The following MTX2 variants were observed in gnomAD, a reference collection of about 807,000 sequenced individuals.
MTX2 encodes metaxin-2.
A neutral mutation model predicts 42.3 loss-of-function variants in MTX2; 35 were observed. The observed-to-expected ratio is 0.83, with a 90% CI of 0.63 to 1.10. The LOEUF (loss-of-function observed/expected upper bound fraction) is 1.10, where lower values mean the gene tolerates loss of function less well. Ranked by LOEUF, MTX2 falls within the 50% of genes least tolerant of loss-of-function variation. MTX2 has a pLI of 0.00. For synonymous variants in MTX2, 119 were observed against 100.9 expected, an observed-to-expected ratio of 1.18 and a Z score of -1.08; for missense variants, 307 against 304.1, an observed-to-expected ratio of 1.01 and a Z score of -0.07.
chr2:176,316,713 T>A (rs1280214205), intron 3 of MTX2, among the ~76,000 whole-genome samples: 2 of 152,176 alleles, frequency 1.3e-5, no homozygotes, highest in Admixed American at 6.6e-5. Flanking sequence ...AACCTTATTC[T>A]TTTTTGAAGG....
At chr2:176,271,928 C>T (rs1692821972) in intron 1 of MTX2, among the ~76,000 whole-genome samples, 1 of 152,140 alleles carries the variant, frequency 6.6e-6, no homozygotes, top group South Asian at 2.1e-4. Flanking sequence ...TTGAAATTGT[C>T]TAAGAGGTAT....
At chr2:176,303,811 T>C (rs1440277821) in intron 3 of MTX2, among the ~76,000 whole-genome samples, 1 of 152,082 alleles carries the variant, frequency 6.6e-6, no homozygotes, top group Non-Finnish European at 1.5e-5. Context: ...AGTGAAATAA[T>C]GTAAAATGTT....
chr2:176,304,701 T>A (rs1209421349), intron 3 of MTX2, among the ~76,000 whole-genome samples: 1 of 152,076 alleles, frequency 6.6e-6, no homozygotes, highest in Non-Finnish European at 1.5e-5. Context: ...GAATTAAAAT[T>A]CACAATCATT....
intron 9 of MTX2, among the ~76,000 whole-genome samples, chr2:176,333,806 C>T (rs1162669540): frequency 6.6e-6 from 1 of 151,552 alleles, no homozygotes; most frequent in Non-Finnish European, 1.5e-5. Context: ...TTACAGTTGC[C>T]TACAGTATTC....
chr2:176,289,807 T>A (rs547258558), intron 1 of MTX2, among the ~76,000 whole-genome samples: 1 of 152,036 alleles, frequency 6.6e-6, no homozygotes, highest in Non-Finnish European at 1.5e-5. Flanking sequence ...AATGAAGATA[T>A]TAGCTTAAAT....
chr2:176,302,210 T>C (rs778766824), intron 3 of MTX2, among the ~76,000 whole-genome samples: 1 of 151,660 alleles, frequency 6.6e-6, no homozygotes, highest in Non-Finnish European at 1.5e-5. Flanking sequence ...CTGATGATCA[T>C]TATTAGAATA....
chr2:176,298,549 A>G (rs1473335768), intron 3 of MTX2, among the ~76,000 whole-genome samples: 4 of 152,108 alleles, frequency 2.6e-5, no homozygotes, highest in African/African-American at 9.7e-5. Flanking sequence ...TTAAAAAACA[A>G]TGTTTATGAT....
intron 1 of MTX2, among the ~76,000 whole-genome samples, chr2:176,282,380 T>C (rs1009069098): frequency 6.6e-6 from 1 of 152,122 alleles, no homozygotes; most frequent in Admixed American, 6.5e-5. Context: ...GCATCTAGTT[T>C]AGTAAGCCTT....
chr2:176,338,012 C>CT lies in MTX2; in HGVS notation c.*352dup, dbSNP rs1473152522. On this transcript the variant is annotated 3_prime_UTR_variant, in exon 10 of 10. Transcript: ENST00000249442. Reference sequence around the variant, plus strand: ...TTTACACATGTGGAATAAACAGTGTCTTTTCTAAGGCAAGTAATTTGTGTT... The same window carrying CT: ...TTTACACATGTGGAATAAACAGTGTCTTTTTCTAAGGCAAGTAATTTGTGTT... 6.3e-6 allele frequency: 1 copy of CT among 158,650 alleles called. No homozygotes were observed. Among genetic ancestry groups the CT allele is most frequent in the Non-Finnish European group, 1.4e-5 (1 of 72,678 alleles). 9.8% of individuals were successfully genotyped at this position (158,650 alleles called of 1,614,324 possible).
Position 176,311,492 on chromosome 2 carries a change from C to T in MTX2, c.136-11900C>T, listed in dbSNP as rs1227535064. ...AAGTTGTCTGCTGTCTTTTATTCAG[C>T]TATGCCCTGCCCATGGAGGTGAAGC... On this transcript the variant is annotated intron_variant, in intron 3 of 9. Coordinates refer to ENST00000249442, the MANE Select transcript of MTX2 (RefSeq NM_006554.5). 3.3e-5 allele frequency among the ~76,000 whole-genome samples: 5 copies of T among 152,342 alleles called. No homozygotes were observed. In the South Asian group the frequency reaches 8.3e-4, roughly 25 times the overall value.
At chr2:176,284,202 C>G (rs1693142851) in intron 1 of MTX2, among the ~76,000 whole-genome samples, 1 of 151,842 alleles carries the variant, frequency 6.6e-6, no homozygotes, top group Admixed American at 6.6e-5. Context: ...GCTTCAGCCT[C>G]CCAAGTAGCT....
chr2:176,312,298 G>A (rs184088379), intron 3 of MTX2, among the ~76,000 whole-genome samples: 1 of 152,192 alleles, frequency 6.6e-6, no homozygotes, highest in Non-Finnish European at 1.5e-5. Context: ...TGTTCATTAA[G>A]CAAATGTTTA....
At chr2:176,284,158 G>A (rs1384117622) in intron 1 of MTX2, among the ~76,000 whole-genome samples, 2 of 150,284 alleles carry the variant, frequency 1.3e-5, no homozygotes, top group Non-Finnish European at 3.0e-5. Context: ...TTGCCCAGGC[G>A]TGCCTCAAAC....
chr2:176,279,895 A>C (rs1468319479), intron 1 of MTX2, among the ~76,000 whole-genome samples: 2 of 152,346 alleles, frequency 1.3e-5, no homozygotes, highest in East Asian at 3.9e-4. Flanking sequence ...GTGAGAAATT[A>C]CAGAGTGCAG....
chr2:176,312,938 T>G (rs573188697), intron 3 of MTX2, among the ~76,000 whole-genome samples: 5 of 151,684 alleles, frequency 3.3e-5, no homozygotes, highest in African/African-American at 1.2e-4. Context: ...AACATCTTTC[T>G]AGAAGTTTTT....
intron 4 of MTX2, among the ~76,000 whole-genome samples, chr2:176,324,459 G>A (rs1323576843): frequency 6.6e-6 from 1 of 151,528 alleles, no homozygotes. Flanking sequence ...ACATATTTTA[G>A]ATTCTTGGAG....
chr2:176,290,157 C>T (rs563259403), intron 1 of MTX2, among the ~76,000 whole-genome samples: 79 of 152,096 alleles, frequency 5.2e-4, no homozygotes, highest in African/African-American at 1.8e-3. Context: ...GGGTATATGG[C>T]AGTGAAGGAG....
chr2:176,328,816 T>A lies in MTX2; in HGVS notation c.379-58T>A, dbSNP rs556284439. 12 of 1,540,314 alleles carry A rather than the reference T, an allele frequency of 7.8e-6. No individual in the cohort carries two copies. In the East Asian group the frequency reaches 2.0e-4, roughly 26 times the overall value. On this transcript the variant is annotated intron_variant, in intron 6 of 9. Coordinates refer to ENST00000249442, the MANE Select transcript of MTX2 (RefSeq NM_006554.5). Reference sequence around the variant, plus strand: ...AAATTGCCTTGGCAAAAAATAACTTTCTTTATCCTTTTCCTCTTTGGTATT... The same window carrying A: ...AAATTGCCTTGGCAAAAAATAACTTACTTTATCCTTTTCCTCTTTGGTATT...
At chr2:176,331,987 T>A (rs1412246010) in intron 9 of MTX2, among the ~76,000 whole-genome samples, 1 of 151,240 alleles carries the variant, frequency 6.6e-6, no homozygotes, top group Non-Finnish European at 1.5e-5. Context: ...GAGTTTGGCA[T>A]GTGACTCAGT....
Sources: allele counts gnomAD v4.1 joint callset (sites outside exome capture counted in the v4.1 genomes callset), GRCh38; gene constraint gnomAD v4.1.1; transcripts MANE v1.5; gene names NCBI Gene and HGNC (gene_info 2026-07-23, HGNC 2026-07-21).